MAGI1: variants seen among roughly 807,000 people sequenced by gnomAD.
MAGI1 encodes membrane associated guanylate kinase, WW and PDZ domain containing 1, also known as membrane-associated guanylate kinase, WW and PDZ domain-containing protein 1.
In MAGI1, 58 loss-of-function variants were observed where a neutral mutation model predicts 139.9. The ratio of observed to expected loss-of-function variants is 0.41; its 90% confidence interval spans 0.34 to 0.52. The LOEUF is 0.52. Ranked by LOEUF, MAGI1 falls within the 20% of genes least tolerant of loss-of-function variation. MAGI1 has a pLI of 0.12. For missense variants in MAGI1, 1,874 were observed against 1,901.6 expected, an observed-to-expected ratio of 0.99 and a Z score of 0.27; for synonymous variants, 812 against 737.9, an observed-to-expected ratio of 1.10 and a Z score of -1.63.
At chr3:65,905,621 C>A (rs1271696837) in intron 1 of MAGI1, among the ~76,000 whole-genome samples, 1 of 152,132 alleles carries the variant, frequency 6.6e-6, no homozygotes, top group Admixed American at 6.6e-5. Flanking sequence ...GGATTACACA[C>A]TCAGCCAATT....
At chr3:65,791,149 C>A (rs1394391395) in intron 1 of MAGI1, among the ~76,000 whole-genome samples, 1 of 152,172 alleles carries the variant, frequency 6.6e-6, no homozygotes, top group Non-Finnish European at 1.5e-5. Flanking sequence ...AAAACAGACA[C>A]CCCACACAGC....
At chr3:65,537,830 T>C (rs1308806636) in intron 2 of MAGI1, among the ~76,000 whole-genome samples, 2 of 152,144 alleles carry the variant, frequency 1.3e-5, no homozygotes, top group Non-Finnish European at 2.9e-5. Context: ...AATTATCTTT[T>C]AAATGTATCA....
Position 65,448,025 on chromosome 3 carries a change from G to A in MAGI1, c.1075C>T (p.Leu359=). The change falls in exon 7 of 23, where the codon CTA becomes TTA. Residue 359 remains leucine, a synonymous_variant. Coordinates refer to ENST00000402939, the MANE Select transcript of MAGI1 (RefSeq NM_001033057.2). ...GVHTEELDSE[L]ELPAGWEKIE... ...GCAGCAGGCAGGGAGGGTTTACCTA[G>A]TTCACTGTCCAGCTCCTCGGTGTGT... 1 of 1,614,092 alleles carries A rather than the reference G, an allele frequency of 6.2e-7. No individual in the cohort carries two copies. Among genetic ancestry groups the A allele is most frequent in the East Asian group, 2.2e-5 (1 of 44,870 alleles).
At chr3:65,901,940 T>C (rs1323557214) in intron 1 of MAGI1, among the ~76,000 whole-genome samples, 1 of 152,158 alleles carries the variant, frequency 6.6e-6, no homozygotes, top group Non-Finnish European at 1.5e-5. Flanking sequence ...TAATACATCA[T>C]TTTCACTACA....
At position 65,746,325 on chromosome 3, in the gene MAGI1, C is replaced by T. The variant is rs182833021; in HGVS notation, c.314-124237G>A. Among the ~76,000 whole-genome samples, 550 of 152,280 alleles carry T rather than the reference C, an allele frequency of 3.6e-3. 3 individuals are homozygous for T. The highest frequency in any genetic ancestry group is 5.6e-3 in the Non-Finnish European group (379 of 68,022). On this transcript the variant is annotated intron_variant, in intron 1 of 22. Transcript: ENST00000402939. ...CTGGGATTACAGGTGTGAGCCACCACGTCCAGCCCTGAATTCTTAATTCAA... is the reference window on the plus strand; with the variant it reads ...CTGGGATTACAGGTGTGAGCCACCATGTCCAGCCCTGAATTCTTAATTCAA...
At chr3:65,799,951 A>G (rs930608882) in intron 1 of MAGI1, among the ~76,000 whole-genome samples, 9 of 152,252 alleles carry the variant, frequency 5.9e-5, no homozygotes. Context: ...TTATTTAAAC[A>G]CAAATAATGT....
At chr3:65,486,814 T>C (rs1297152680) in intron 3 of MAGI1, among the ~76,000 whole-genome samples, 2 of 152,272 alleles carry the variant, frequency 1.3e-5, no homozygotes, top group South Asian at 2.1e-4. Context: ...TGTCGGTGGA[T>C]AGAAAGTTTC....
At chr3:65,515,404 CAG>C (rs200688428) in intron 2 of MAGI1, among the ~76,000 whole-genome samples, 2,385 of 151,840 alleles carry the variant, frequency 0.016, 67 homozygotes, top group African/African-American at 0.054. Flanking sequence ...ATAAGCAAAA[CAG>C]AAAATGAAAC....
chr3:65,775,635 T>C (rs1467304342), intron 1 of MAGI1, among the ~76,000 whole-genome samples: 3 of 151,590 alleles, frequency 2.0e-5, no homozygotes, highest in Non-Finnish European at 2.9e-5. Flanking sequence ...TGATACTATA[T>C]AGTTCTTTTT....
intron 1 of MAGI1, among the ~76,000 whole-genome samples, chr3:65,667,667 G>A (rs1487247008): frequency 1.3e-5 from 2 of 152,134 alleles, no homozygotes; most frequent in Non-Finnish European, 2.9e-5. Context: ...AACCTCCTGG[G>A]CTCAAGTGAT....
intron 13 of MAGI1, among the ~76,000 whole-genome samples, chr3:65,397,678 A>G (rs964141403): frequency 2.0e-5 from 3 of 152,184 alleles, no homozygotes; most frequent in African/African-American, 7.2e-5. Flanking sequence ...CCACAGCTCA[A>G]TCACAGCACT....
At chr3:65,726,869 A>C (rs187614536) in intron 1 of MAGI1, among the ~76,000 whole-genome samples, 16 of 151,598 alleles carry the variant, frequency 1.1e-4, no homozygotes, top group Admixed American at 7.9e-4. Context: ...AAAAGACGAG[A>C]GGCAGAATGG....
chr3:65,485,219 A>G (rs561954043), intron 3 of MAGI1, among the ~76,000 whole-genome samples: 1 of 152,306 alleles, frequency 6.6e-6, no homozygotes, highest in Admixed American at 6.5e-5. Context: ...TCAGCACATG[A>G]TAGTTCCTTC....
chr3:65,390,147 C>T (rs550817952), intron 14 of MAGI1, among the ~76,000 whole-genome samples: 2 of 152,252 alleles, frequency 1.3e-5, no homozygotes, highest in Non-Finnish European at 2.9e-5. Context: ...ACCTCTCTGC[C>T]ACGACTCTCG....
At chr3:65,377,857 T>A (rs1942679523) in intron 17 of MAGI1, among the ~76,000 whole-genome samples, 2 of 152,144 alleles carry the variant, frequency 1.3e-5, no homozygotes, top group Non-Finnish European at 2.9e-5. Context: ...CTGTTAAACA[T>A]AAAACTTACG....
intron 2 of MAGI1, among the ~76,000 whole-genome samples, chr3:65,607,053 T>C (rs1447336409): frequency 2.6e-5 from 4 of 152,086 alleles, no homozygotes; most frequent in Non-Finnish European, 5.9e-5. Flanking sequence ...CCTAAGTCCC[T>C]ATGATTTTTT....
intron 1 of MAGI1, among the ~76,000 whole-genome samples, chr3:65,709,665 C>T (rs562964930): frequency 9.8e-5 from 15 of 152,304 alleles, no homozygotes; most frequent in African/African-American, 3.6e-4. Flanking sequence ...CATAACTTAT[C>T]CATTAGAGAT....
At chr3:65,904,799 A>C (rs1412304476) in intron 1 of MAGI1, among the ~76,000 whole-genome samples, 3 of 152,158 alleles carry the variant, frequency 2.0e-5, no homozygotes, top group Non-Finnish European at 2.9e-5. Flanking sequence ...TCAGGGCCAT[A>C]TGCTGGTCAT....
chr3:65,672,558 A>G (rs1202371596), intron 1 of MAGI1, among the ~76,000 whole-genome samples: 1 of 152,220 alleles, frequency 6.6e-6, no homozygotes, highest in African/African-American at 2.4e-5. Flanking sequence ...AAAAATAGGA[A>G]CAATCTTCAT....
Sources: gnomAD v4.1 joint callset for allele counts (sites outside exome capture counted in the v4.1 genomes callset) on GRCh38, gnomAD v4.1.1 for gene constraint, MANE v1.5 for transcripts, NCBI Gene and HGNC (gene_info 2026-07-23, HGNC 2026-07-21) for gene names.